ACCSL: variants seen among roughly 807,000 people sequenced by gnomAD.
ACCSL encodes probable inactive 1-aminocyclopropane-1-carboxylate synthase-like protein 2.
A neutral mutation model predicts 61.7 loss-of-function variants in ACCSL; 55 were observed. The ratio of observed to expected loss-of-function variants is 0.89; its 90% confidence interval spans 0.72 to 1.12. The LOEUF is 1.12. Ranked by LOEUF, ACCSL falls within the 50% of genes most tolerant of loss-of-function variation. The pLI is 0.00. For missense variants in ACCSL, 632 were observed against 698.0 expected, an observed-to-expected ratio of 0.91 and a Z score of 1.07; for synonymous variants, 258 against 264.3, an observed-to-expected ratio of 0.98 and a Z score of 0.23.
upstream of ACCSL, among the ~76,000 whole-genome samples, chr11:44,043,177 T>C (rs561639004): frequency 3.9e-5 from 6 of 152,258 alleles, no homozygotes; most frequent in South Asian, 2.1e-4. Context: ...GATTCATAAG[T>C]ATACCGTTTG....
chr11:43,984,218 G>A, the ACCSL span, among the ~76,000 whole-genome samples: 5 of 151,980 alleles, frequency 3.3e-5, no homozygotes, highest in African/African-American at 4.8e-5. Context: ...TCCACTACAC[G>A]TGGCCATTAT....
chr11:44,038,428 T>TC, the ACCSL span, among the ~76,000 whole-genome samples: 1 of 152,128 alleles, frequency 6.6e-6, no homozygotes, highest in Admixed American at 6.5e-5. Context: ...GGAGGAAGGC[T>TC]CCTTGGAGGA....
At chr11:43,931,567 T>C in the ACCSL span, among the ~76,000 whole-genome samples, 11 of 152,208 alleles carry the variant, frequency 7.2e-5, no homozygotes, top group African/African-American at 2.4e-4. Flanking sequence ...CACTTCTGCC[T>C]GGCTGTGTGG....
the ACCSL span, among the ~76,000 whole-genome samples, chr11:43,984,930 G>C: frequency 1.3e-5 from 2 of 152,370 alleles, no homozygotes; most frequent in East Asian, 1.9e-4. Flanking sequence ...CCCTGGGCAG[G>C]GGCAGTATGC....
In ACCSL at chr11:44,058,318, A is replaced by G; in HGVS notation, c.1329A>G (p.Glu443=). 1 of 1,614,190 alleles carries G rather than the reference A, an allele frequency of 6.2e-7. No individual in the cohort carries two copies. Among genetic ancestry groups the G allele is most frequent in the East Asian group, 2.2e-5 (1 of 44,884 alleles). ...HKLCQLLQNT[E]WIDKVYLPTN... ...AGTGTTTTTCCTCTACCCATCCAGAATGGATTGACAAAGTATACCTACCCA... is the reference window on the plus strand; with the variant it reads ...AGTGTTTTTCCTCTACCCATCCAGAGTGGATTGACAAAGTATACCTACCCA... Residue 443 remains glutamate (E), a splice_region_variant and synonymous_variant, in exon 12 of 14, where the codon GAA becomes GAG. Transcript: ENST00000378832.
At chr11:43,960,637 G>A in the ACCSL span, among the ~76,000 whole-genome samples, 2 of 152,076 alleles carry the variant, frequency 1.3e-5, no homozygotes, top group African/African-American at 4.8e-5. Flanking sequence ...TGCTCACCTC[G>A]GCCTCCCAAA....
At chr11:43,988,701 G>C in the ACCSL span, among the ~76,000 whole-genome samples, 1 of 151,884 alleles carries the variant, frequency 6.6e-6, no homozygotes, top group African/African-American at 2.4e-5. Context: ...TTCCACACAG[G>C]GTTTAGGAAG....
the ACCSL span, among the ~76,000 whole-genome samples, chr11:43,978,783 GTT>G: frequency 0.05 from 3,981 of 78,922 alleles, 187 homozygotes; most frequent in East Asian, 0.28. Context: ...GAGAAGGTGG[GTT>G]TTTTTTTTTT....
the ACCSL span, among the ~76,000 whole-genome samples, chr11:44,036,203 A>G: frequency 4.9e-4 from 75 of 152,316 alleles, no homozygotes; most frequent in African/African-American, 1.8e-3. Flanking sequence ...CCTCCTCCCC[A>G]GGATCCCCAT....
chr11:44,008,672 C>G, the ACCSL span, among the ~76,000 whole-genome samples: 1 of 152,214 alleles, frequency 6.6e-6, no homozygotes, highest in South Asian at 2.1e-4. Flanking sequence ...GCCTCAGGTT[C>G]CTCTTCACTG....
Position 44,051,708 on chromosome 11 carries a change from G to T in ACCSL, c.761G>T (p.Cys254Phe), listed in dbSNP as rs750638091. Residue 254 changes from cysteine to phenylalanine, a missense_variant, in exon 5 of 14, where the codon TGT becomes TTT. Cys to Phe is a radical substitution (Grantham distance 205). Transcript: ENST00000378832. Reference protein sequence around the residue: ...SVFCALAMVLCDPGEAFLVPA... With the variant: ...SVFCALAMVLFDPGEAFLVPA... ...TTCTGTGCCCTGGCCATGGTTCTGT[G>T]TGATCCAGGCGGTAAGTCAGTGGGC... The T allele has an allele frequency of 1.2e-6, 2 of 1,614,046 alleles. No homozygotes were observed.
the ACCSL span, among the ~76,000 whole-genome samples, chr11:44,011,141 G>T: frequency 2.0e-5 from 3 of 152,090 alleles, no homozygotes; most frequent in Non-Finnish European, 4.4e-5. Context: ...GGGTGTCTCA[G>T]ATCTGTGTAT....
chr11:43,987,481 G>A, the ACCSL span, among the ~76,000 whole-genome samples: 2 of 152,168 alleles, frequency 1.3e-5, no homozygotes, highest in African/African-American at 4.8e-5. Flanking sequence ...AGCCCCAGTC[G>A]CTGCTTCTAG....
chr11:43,967,167 CTTTTTTTTT>C, the ACCSL span, among the ~76,000 whole-genome samples: 177 of 62,706 alleles, frequency 2.8e-3, no homozygotes, highest in Admixed American at 4.9e-3. Context: ...TCTTCTTCTT[CTTTTTTTTT>C]TTTTTTTTTT....
chr11:43,941,480 GC>G, the ACCSL span, among the ~76,000 whole-genome samples: 1 of 152,252 alleles, frequency 6.6e-6, no homozygotes, highest in East Asian at 1.9e-4. Context: ...GGCCCTGTGA[GC>G]CCTGCTGGGT....
chr11:43,966,036 G>A, the ACCSL span, among the ~76,000 whole-genome samples: 9 of 152,258 alleles, frequency 5.9e-5, no homozygotes, highest in Admixed American at 2.0e-4. Context: ...AAGTCTTCAC[G>A]ACCTTGGATT....
intron 1 of ACCSL, among the ~76,000 whole-genome samples, 194 bp downstream of exon 1, chr11:44,048,734 C>G (rs980200096): frequency 6.6e-6 from 1 of 152,118 alleles, no homozygotes; most frequent in African/African-American, 2.4e-5. Context: ...AGAACTCCAT[C>G]CACCCCCACA....
At chr11:43,963,607 G>A in the ACCSL span, among the ~76,000 whole-genome samples, 2 of 152,198 alleles carry the variant, frequency 1.3e-5, no homozygotes, top group African/African-American at 2.4e-5. Context: ...GAAAGATAGA[G>A]TTGTGTTTTC....
In ACCSL at chr11:44,058,468, T is replaced by C. The variant is rs1952685649; in HGVS notation, c.1470+9T>C. 1.2e-6 allele frequency: 2 copies of C among 1,614,166 alleles called. No individual in the cohort carries two copies. Among genetic ancestry groups the C allele is most frequent in the Non-Finnish European group, 1.7e-6 (2 of 1,180,026 alleles). On this transcript the variant is annotated intron_variant, in intron 12 of 13. Transcript: ENST00000378832. The stretch of plus-strand genomic sequence containing the variant: ...GGATCAACTTGAAAAAGGTGTGTTC[T>C]GGGAATGAGGACAGGTGTTCTTGGG...
Sources: allele counts gnomAD v4.1 joint callset (sites outside exome capture counted in the v4.1 genomes callset), GRCh38; gene constraint gnomAD v4.1.1; transcripts MANE v1.5; gene names NCBI Gene and HGNC (gene_info 2026-07-23, HGNC 2026-07-21).